The following CPNE5 variants were observed in gnomAD, a reference collection of about 807,000 sequenced individuals.
The protein encoded by CPNE5 is copine-5.
Under a neutral mutation model 81.1 loss-of-function variants are expected in CPNE5, and 42 were observed. That is an observed-to-expected ratio of 0.52 (90% confidence interval 0.40 to 0.67). The LOEUF (loss-of-function observed/expected upper bound fraction) is 0.67, where lower values mean the gene tolerates loss of function less well. CPNE5 is among the 30% of genes least tolerant of loss of function. CPNE5 has a pLI of 0.00. For missense variants in CPNE5, 612 were observed against 815.5 expected (o/e 0.75, Z 3.04); for synonymous variants, 313 against 321.5 (o/e 0.97, Z 0.28).
intron 1 of CPNE5, among the ~76,000 whole-genome samples, chr6:36,824,281 C>T (rs236373): frequency 0.31 from 46,896 of 152,108 alleles, 7,668 homozygotes; most frequent in South Asian, 0.45. Flanking sequence ...TCTTCACTCA[C>T]CCTGGAGACA....
chr6:36,805,853 C>T (rs1438994990), intron 3 of CPNE5, among the ~76,000 whole-genome samples: 1 of 152,196 alleles, frequency 6.6e-6, no homozygotes, highest in Non-Finnish European at 1.5e-5. Context: ...ATCAATTAAG[C>T]AGTGTTAATT....
intron 11 of CPNE5, 42 bp from the exon 12 acceptor site, chr6:36,763,034 C>A (rs764602093): frequency 6.5e-5 from 102 of 1,561,514 alleles, no homozygotes; most frequent in Non-Finnish European, 8.8e-5. Context: ...CCAGGCTGTG[C>A]CCTGCCTCTG....
intron 2 of CPNE5, 69 bp from the exon 3 acceptor site, chr6:36,822,229 G>A (rs1370249011): frequency 2.9e-6 from 4 of 1,359,130 alleles, no homozygotes; most frequent in East Asian, 2.7e-5. Context: ...CAGATGAAAA[G>A]GATCCTGGCT....
chr6:36,789,477 G>A (rs970993570), intron 8 of CPNE5, among the ~76,000 whole-genome samples: 3 of 152,196 alleles, frequency 2.0e-5, no homozygotes, highest in African/African-American at 7.2e-5. Flanking sequence ...GTCACCAGCT[G>A]GGCTAGAAGC....
At chr6:36,744,056 T>G (rs983037590) in intron 19 of CPNE5, among the ~76,000 whole-genome samples, 1 of 152,164 alleles carries the variant, frequency 6.6e-6, no homozygotes. Flanking sequence ...TGGGTGTGGG[T>G]GCACACCCAG....
chr6:36,765,311 G>C (rs774335860), intron 11 of CPNE5, 24 bp downstream of exon 11: 1 of 1,613,082 alleles, frequency 6.2e-7, no homozygotes, highest in South Asian at 1.1e-5. Flanking sequence ...TCACCTTCTC[G>C]CCCCTGCCCT....
At chr6:36,756,104 C>CCCCACCCCAA in intron 13 of CPNE5, 141 bp downstream of exon 13, 1 of 432,886 alleles carries the variant, frequency 2.3e-6, no homozygotes, top group Non-Finnish European at 4.4e-6. Flanking sequence ...CCCCACCCCT[C>CCCCACCCCAA]CCCACCCCAT....
chr6:36,769,691 C>A (rs1322348857), intron 10 of CPNE5, among the ~76,000 whole-genome samples: 2 of 152,232 alleles, frequency 1.3e-5, no homozygotes, highest in Admixed American at 1.3e-4. Flanking sequence ...CCAGGTTGCA[C>A]TGCGCAACAC....
At chr6:36,787,378 C>A (rs1290709008) in intron 8 of CPNE5, among the ~76,000 whole-genome samples, 1 of 152,112 alleles carries the variant, frequency 6.6e-6, no homozygotes, top group African/African-American at 2.4e-5. Context: ...ATTCCTCATC[C>A]ATCACTCCTG....
intron 3 of CPNE5, among the ~76,000 whole-genome samples, chr6:36,816,536 A>T (rs1023747537): frequency 4.6e-5 from 7 of 152,164 alleles, no homozygotes; most frequent in Admixed American, 1.3e-4. Context: ...TGACCACAGG[A>T]TTATTATTTC....
At chr6:36,816,797 G>A (rs1215550204) in intron 3 of CPNE5, among the ~76,000 whole-genome samples, 2 of 152,120 alleles carry the variant, frequency 1.3e-5, no homozygotes, top group South Asian at 4.1e-4. Flanking sequence ...GTTTGCTTTC[G>A]AGACAGGGTC....
chr6:36,827,439 G>C (rs575623779), intron 1 of CPNE5: 1 of 985,384 alleles, frequency 1.0e-6, no homozygotes, highest in African/African-American at 1.7e-5. Flanking sequence ...TTCCAAGTCT[G>C]GCTGTGTAGG....
chr6:36,788,226 CG>C (rs143979934), intron 8 of CPNE5, among the ~76,000 whole-genome samples: 9,342 of 148,416 alleles, frequency 0.063, 866 homozygotes, highest in African/African-American at 0.21. Context: ...TAGAGATGGT[CG>C]GGGGGGGGTC....
intron 12 of CPNE5, among the ~76,000 whole-genome samples, chr6:36,760,958 G>A (rs1008899501): frequency 6.6e-6 from 1 of 152,216 alleles, no homozygotes; most frequent in Non-Finnish European, 1.5e-5. Flanking sequence ...ATGGCCTTCC[G>A]ATGTGTGCAG....
intron 1 of CPNE5, among the ~76,000 whole-genome samples, chr6:36,828,609 T>C (rs1772724757): frequency 6.6e-6 from 1 of 152,044 alleles, no homozygotes; most frequent in Non-Finnish European, 1.5e-5. Flanking sequence ...ATAATGGAGG[T>C]CATGGGCCCC....
At chr6:36,831,286 C>A (rs997428550) in intron 1 of CPNE5, among the ~76,000 whole-genome samples, 2 of 151,842 alleles carry the variant, frequency 1.3e-5, no homozygotes, top group African/African-American at 4.8e-5. Flanking sequence ...AACTCCTGAC[C>A]TCAAGTGATC....
intron 1 of CPNE5, among the ~76,000 whole-genome samples, chr6:36,831,972 C>T (rs1214476441): frequency 6.6e-6 from 1 of 152,142 alleles, no homozygotes; most frequent in Non-Finnish European, 1.5e-5. Flanking sequence ...TCTTCCATAC[C>T]CAAAGGTATA....
At chr6:36,775,088 A>C (rs774494776) in intron 9 of CPNE5, 23 bp from the exon 10 acceptor site, 1 of 1,598,408 alleles carries the variant, frequency 6.3e-7, no homozygotes, top group Non-Finnish European at 8.6e-7. Context: ...AAGAGAGGGA[A>C]AGGCTGTCAG....
intron 1 of CPNE5, among the ~76,000 whole-genome samples, chr6:36,831,045 TTTTA>T: frequency 6.6e-6 from 1 of 152,046 alleles, no homozygotes; most frequent in Non-Finnish European, 1.5e-5. Flanking sequence ...ATTCTTTTTA[TTTTA>T]TTTATTTTAT....
Sources: gnomAD v4.1 joint callset for allele counts (sites outside exome capture counted in the v4.1 genomes callset) on GRCh38, gnomAD v4.1.1 for gene constraint, MANE v1.5 for transcripts, NCBI Gene and HGNC (gene_info 2026-07-23, HGNC 2026-07-21) for gene names.